Variants in LCLAT1 observed in about 807,000 individuals in gnomAD.
The protein encoded by LCLAT1 is lysocardiolipin acyltransferase 1.
Under a neutral mutation model 30.7 loss-of-function variants are expected in LCLAT1, and 11 were observed. That is an observed-to-expected ratio of 0.36 (90% CI 0.23 to 0.59). The LOEUF (loss-of-function observed/expected upper bound fraction) is 0.59. Ranked by LOEUF, LCLAT1 falls within the 20% of genes least tolerant of loss-of-function variation. The pLI, the probability that LCLAT1 is intolerant of heterozygous loss-of-function variation, is 0.77. For synonymous variants in LCLAT1, 155 were observed against 151.3 expected (o/e 1.02, Z -0.18); for missense variants, 402 against 458.6 (o/e 0.88, Z 1.13).
intron 1 of LCLAT1, among the ~76,000 whole-genome samples, chr2:30,521,512 T>TTTTTTTG (rs1685475030): frequency 7.8e-6 from 1 of 128,356 alleles, no homozygotes; most frequent in Non-Finnish European, 1.6e-5. Flanking sequence ...TTTTTTTTTT[T>TTTTTTTG]TTTTTTTTTT....
intron 1 of LCLAT1, among the ~76,000 whole-genome samples, chr2:30,495,924 G>C (rs1443567628): frequency 3.3e-5 from 5 of 152,140 alleles, no homozygotes; most frequent in African/African-American, 1.2e-4. Context: ...GTATTAGTCT[G>C]TTCTTGCGTT....
At chr2:30,574,378 A>G (rs977307665) in intron 5 of LCLAT1, among the ~76,000 whole-genome samples, 3 of 152,170 alleles carry the variant, frequency 2.0e-5, no homozygotes, top group African/African-American at 7.2e-5. Flanking sequence ...AGCAAGCCAG[A>G]TGATTAGAAG....
chr2:30,503,328 A>G (rs933228071), intron 1 of LCLAT1, among the ~76,000 whole-genome samples: 14 of 152,292 alleles, frequency 9.2e-5, no homozygotes, highest in East Asian at 3.9e-4. Context: ...CAGGTCTCCT[A>G]TCTCACTATG....
At chr2:30,519,891 C>A (rs1685390223) in intron 1 of LCLAT1, among the ~76,000 whole-genome samples, 1 of 152,220 alleles carries the variant, frequency 6.6e-6, no homozygotes. Flanking sequence ...TCCACCACTG[C>A]TGAATGCCAC....
chr2:30,469,577 T>C (rs796184812), intron 1 of LCLAT1, among the ~76,000 whole-genome samples: 15 of 132,870 alleles, frequency 1.1e-4, no homozygotes, highest in Non-Finnish European at 1.7e-4. Flanking sequence ...GTCTCTTCTT[T>C]TTTTTTTTTT....
chr2:30,530,757 T>C (rs1685942741), intron 2 of LCLAT1, among the ~76,000 whole-genome samples: 1 of 152,152 alleles, frequency 6.6e-6, no homozygotes, highest in Non-Finnish European at 1.5e-5. Flanking sequence ...TTGCCTAGGC[T>C]AGTTTCAAAC....
At chr2:30,521,874 G>T (rs1244760390) in intron 1 of LCLAT1, among the ~76,000 whole-genome samples, 2 of 152,044 alleles carry the variant, frequency 1.3e-5, no homozygotes, top group Non-Finnish European at 2.9e-5. Context: ...TTTGCCAACC[G>T]CTGATCTGTT....
intron 2 of LCLAT1, among the ~76,000 whole-genome samples, chr2:30,526,422 A>C (rs1685724370): frequency 6.6e-6 from 1 of 151,822 alleles, no homozygotes; most frequent in African/African-American, 2.4e-5. Context: ...TCATCTAGTG[A>C]ATTTTTATTT....
At chr2:30,560,438 A>G (rs994482209) in intron 3 of LCLAT1, among the ~76,000 whole-genome samples, 1 of 152,080 alleles carries the variant, frequency 6.6e-6, no homozygotes, top group Admixed American at 6.6e-5. Flanking sequence ...TCCCAGGTTC[A>G]AGCAGTTCTC....
intron 3 of LCLAT1, among the ~76,000 whole-genome samples, chr2:30,542,894 A>T (rs996538426): frequency 6.6e-6 from 1 of 150,936 alleles, no homozygotes; most frequent in Non-Finnish European, 1.5e-5. Context: ...GTTTCTTTAT[A>T]CATAATCACA....
At chr2:30,463,583 A>G (rs1188833281) in intron 1 of LCLAT1, among the ~76,000 whole-genome samples, 1 of 152,258 alleles carries the variant, frequency 6.6e-6, no homozygotes, top group East Asian at 1.9e-4. Flanking sequence ...CTGAACATGT[A>G]CAGACTTTTT....
intron 1 of LCLAT1, among the ~76,000 whole-genome samples, chr2:30,505,320 G>C (rs1684603154): frequency 7.7e-6 from 1 of 130,304 alleles, no homozygotes; most frequent in Non-Finnish European, 1.6e-5. Context: ...AGAATATCAG[G>C]GGCAAAACTT....
At position 30,606,954 on chromosome 2, in the gene LCLAT1, C is replaced by T. The variant is rs530556396; in HGVS notation, c.629-33163C>T. 5 of 152,176 alleles carry T rather than the reference C, an allele frequency of 3.3e-5. No homozygotes were observed. In the East Asian group the frequency reaches 7.7e-4, roughly 24 times the overall value. The allele number at this position is 152,176 out of a possible 1,614,324, so 9.4% of individuals were successfully genotyped here. A position where few individuals can be genotyped will look rare whatever the true frequency, so the allele number is the denominator to read the frequency against. On this transcript the variant is annotated intron_variant, in intron 5 of 5. Transcript: ENST00000379509. ...TGAACAGACACTTCTCAAAAGAAGACATTTATATGGCTAATAAACTTATGA... is the reference window on the plus strand; with the variant it reads ...TGAACAGACACTTCTCAAAAGAAGATATTTATATGGCTAATAAACTTATGA...
At chr2:30,501,547 C>T (rs750814823) in intron 1 of LCLAT1, among the ~76,000 whole-genome samples, 10 of 152,020 alleles carry the variant, frequency 6.6e-5, no homozygotes, top group East Asian at 5.8e-4. Context: ...TGGTGCCCCA[C>T]GCCTGTGGTC....
intron 1 of LCLAT1, among the ~76,000 whole-genome samples, chr2:30,516,375 G>C (rs1252639): frequency 0.22 from 33,784 of 152,058 alleles, 3,846 homozygotes; most frequent in East Asian, 0.35. Context: ...GACTTTCACC[G>C]CTCTGGATCC....
intron 1 of LCLAT1, chr2:30,476,643 G>T: frequency 2.5e-6 from 1 of 401,822 alleles, no homozygotes; most frequent in Non-Finnish European, 4.9e-6. Flanking sequence ...ATGGTGAGTT[G>T]TATAATTATT....
At chr2:30,556,905 C>G (rs903827704) in intron 3 of LCLAT1, among the ~76,000 whole-genome samples, 12 of 151,950 alleles carry the variant, frequency 7.9e-5, no homozygotes, top group Admixed American at 6.6e-4. Flanking sequence ...CCACCACGCC[C>G]GGCTAATTTT....
intron 5 of LCLAT1, among the ~76,000 whole-genome samples, chr2:30,632,741 G>A (rs1668828442): frequency 6.6e-6 from 1 of 152,210 alleles, no homozygotes; most frequent in South Asian, 2.1e-4. Flanking sequence ...CCCTACGAGG[G>A]TAGGGACTAT....
At chr2:30,513,778 T>C (rs1316895639) in intron 1 of LCLAT1, among the ~76,000 whole-genome samples, 1 of 152,206 alleles carries the variant, frequency 6.6e-6, no homozygotes, top group Non-Finnish European at 1.5e-5. Context: ...CTCAAAAGAA[T>C]GCAACCATTT....
Sources: gnomAD v4.1 joint callset for allele counts (sites outside exome capture counted in the v4.1 genomes callset) on GRCh38, gnomAD v4.1.1 for gene constraint, MANE v1.5 for transcripts, NCBI Gene and HGNC (gene_info 2026-07-23, HGNC 2026-07-21) for gene names.